NCAM2: variants seen among roughly 807,000 people sequenced by gnomAD.
NCAM2 encodes N-CAM-2.
NCAM2 carries 30 observed loss-of-function variants against 98.1 expected under a neutral mutation model. The ratio of observed to expected loss-of-function variants is 0.31; its 90% CI spans 0.23 to 0.41. The LOEUF (loss-of-function observed/expected upper bound fraction) is 0.41, where lower values mean the gene tolerates loss of function less well. Among genes scored for constraint, NCAM2 ranks in the 10% least tolerant of loss-of-function variants. The pLI is 1.00. For missense variants in NCAM2, 867 were observed against 1,005.8 expected (o/e 0.86, Z 1.87); for synonymous variants, 368 against 342.4 (o/e 1.07, Z -0.83).
intron 1 of NCAM2, among the ~76,000 whole-genome samples, chr21:21,003,398 T>C (rs1382221784): frequency 6.6e-6 from 1 of 152,116 alleles, no homozygotes; most frequent in Non-Finnish European, 1.5e-5. Context: ...GAAAATTCAT[T>C]GGATTTGGAG....
intron 12 of NCAM2, among the ~76,000 whole-genome samples, chr21:21,450,173 T>C (rs1408579220): frequency 2.0e-5 from 3 of 152,036 alleles, no homozygotes; most frequent in Admixed American, 6.6e-5. Context: ...AATCAAATAA[T>C]ATAAATTACA....
chr21:21,071,971 G>T (rs974391698), intron 1 of NCAM2, among the ~76,000 whole-genome samples: 3 of 151,950 alleles, frequency 2.0e-5, no homozygotes, highest in African/African-American at 7.3e-5. Flanking sequence ...GGAGTGCAGT[G>T]GCGCGATCTC....
At chr21:21,531,117 T>G (rs2146418629) in intron 16 of NCAM2, among the ~76,000 whole-genome samples, 1 of 152,292 alleles carries the variant, frequency 6.6e-6, no homozygotes, top group Non-Finnish European at 1.5e-5. Context: ...TTTACACACT[T>G]TCATAGAGTT....
chr21:21,332,527 A>G (rs768580290), intron 6 of NCAM2, among the ~76,000 whole-genome samples: 5 of 151,960 alleles, frequency 3.3e-5, no homozygotes, highest in African/African-American at 4.8e-5. Flanking sequence ...TGTACTTTAT[A>G]TTTTCTAATG....
intron 1 of NCAM2, among the ~76,000 whole-genome samples, chr21:21,151,479 T>C (rs1197770419): frequency 1.3e-5 from 2 of 152,046 alleles, no homozygotes; most frequent in African/African-American, 4.8e-5. Context: ...TCTGACCTAG[T>C]TTAGTCTACC....
intron 1 of NCAM2, among the ~76,000 whole-genome samples, chr21:21,097,843 G>C (rs369165989): frequency 1.7e-4 from 16 of 94,332 alleles, no homozygotes; most frequent in African/African-American, 4.9e-4. Context: ...ATATAACCCA[G>C]AATTGAACAA....
chr21:21,209,234 C>G (rs369121192), intron 1 of NCAM2, among the ~76,000 whole-genome samples: 4 of 151,894 alleles, frequency 2.6e-5, no homozygotes, highest in African/African-American at 7.3e-5. Flanking sequence ...TATTTACTTA[C>G]GAGATTGGTC....
intron 1 of NCAM2, among the ~76,000 whole-genome samples, chr21:21,067,613 C>T (rs1464440696): frequency 6.6e-6 from 1 of 152,138 alleles, no homozygotes; most frequent in Non-Finnish European, 1.5e-5. Flanking sequence ...TCACAGACCC[C>T]TCTTTAAACA....
Position 21,477,334 on chromosome 21 carries a change from A to G in NCAM2, c.1940A>G (p.Asn647Ser). 6.2e-7 allele frequency: 1 copy of G among 1,608,828 alleles called. No individual in the cohort carries two copies. The highest frequency in any genetic ancestry group is 8.5e-7 in the Non-Finnish European group (1 of 1,176,686). ...TGGCTAGAGAAAAAAGTGCAAGGAAATAAAGACCACATCATTTTGGAGCAT... is the reference window on the plus strand; with the variant it reads ...TGGCTAGAGAAAAAAGTGCAAGGAAGTAAAGACCACATCATTTTGGAGCAT... ...DQWLEKKVQG[N>S]KDHIILEHLQ... The change falls in exon 15 of 18, where the codon AAT (asparagine) becomes AGT (serine). Residue 647 changes from asparagine (N) to serine (S), a missense_variant. Around this residue, in one of 5 missense-constraint regions of NCAM2, gnomAD observed 234 missense variants for 333.8 expected, o/e 0.70. Transcript: ENST00000400546.
intron 1 of NCAM2, among the ~76,000 whole-genome samples, chr21:21,054,593 A>G (rs766267123): frequency 6.6e-6 from 1 of 152,046 alleles, no homozygotes. Context: ...TGAAATCAAT[A>G]TATACAGTGA....
intron 1 of NCAM2, among the ~76,000 whole-genome samples, chr21:21,125,752 A>G (rs1312041179): frequency 2.0e-5 from 3 of 147,496 alleles, no homozygotes; most frequent in African/African-American, 7.4e-5. Context: ...GAAAAGTAGA[A>G]ACCACATATT....
At position 21,233,710 on chromosome 21, in the gene NCAM2, A is replaced by G. The variant is rs1359159041; in HGVS notation, c.56-46868A>G. 2.0e-5 allele frequency among the ~76,000 whole-genome samples: 3 copies of G among 151,782 alleles called. No individual in the cohort carries two copies. The South Asian group carries it at 6.2e-4, about 31-fold the overall frequency. On this transcript the variant is annotated intron_variant, in intron 1 of 17. Transcript: ENST00000400546. The stretch of plus-strand genomic sequence containing the variant: ...AGATACAAATAACATGTAAAACACA[A>G]TAAGTTGTATGTCAGCAATGTCTAA...
At chr21:21,446,066 G>T (rs1348030317) in intron 12 of NCAM2, among the ~76,000 whole-genome samples, 1 of 152,022 alleles carries the variant, frequency 6.6e-6, no homozygotes, top group Non-Finnish European at 1.5e-5. Flanking sequence ...ATCTGAAAAT[G>T]ATTTTTTTTC....
At chr21:21,294,978 A>G (rs8132279) in intron 5 of NCAM2, among the ~76,000 whole-genome samples, 14,381 of 151,740 alleles carry the variant, frequency 0.095, 1,130 homozygotes, top group East Asian at 0.31. Context: ...CTGCTGCCCT[A>G]TTCTGTTCCT....
At chr21:21,506,702 G>A (rs551982431) in intron 15 of NCAM2, among the ~76,000 whole-genome samples, 18 of 151,996 alleles carry the variant, frequency 1.2e-4, no homozygotes, top group Admixed American at 9.8e-4. Flanking sequence ...TAGTTCTGTC[G>A]AAACCAGAAA....
At chr21:21,152,790 C>T (rs544552167) in intron 1 of NCAM2, among the ~76,000 whole-genome samples, 2 of 152,052 alleles carry the variant, frequency 1.3e-5, no homozygotes, top group South Asian at 4.1e-4. Context: ...GTTTCCCTCT[C>T]TAAGATTAGC....
intron 7 of NCAM2, among the ~76,000 whole-genome samples, chr21:21,338,040 C>A (rs1568950509): frequency 6.6e-6 from 1 of 151,742 alleles, no homozygotes; most frequent in East Asian, 1.9e-4. Context: ...TATGCATGTG[C>A]CTTTAAAGGA....
chr21:21,311,595 C>G lies in NCAM2; in HGVS notation c.620-12788C>G, dbSNP rs1356380301. Among the ~76,000 whole-genome samples, 5 of 152,130 alleles carry G rather than the reference C, an allele frequency of 3.3e-5. No homozygotes were observed. The East Asian group carries it at 9.7e-4, about 29-fold the overall frequency. Reference sequence around the variant, plus strand: ...TGACCTCGTGATCCACCCACCTCAGCCTCCCAAAGTTCTGGGATTACAGGC... The same window carrying G: ...TGACCTCGTGATCCACCCACCTCAGGCTCCCAAAGTTCTGGGATTACAGGC... On this transcript the variant is annotated intron_variant, in intron 5 of 17. Coordinates refer to ENST00000400546, the MANE Select transcript of NCAM2 (RefSeq NM_004540.5).
intron 1 of NCAM2, among the ~76,000 whole-genome samples, chr21:21,167,390 TTATAA>T (rs1319625481): frequency 6.6e-6 from 1 of 152,012 alleles, no homozygotes; most frequent in East Asian, 1.9e-4. Flanking sequence ...AAAGAGATAT[TTATAA>T]TATATTTTTC....
Sources: gnomAD v4.1 joint callset for allele counts (sites outside exome capture counted in the v4.1 genomes callset) on GRCh38, gnomAD v4.1.1 for gene constraint, gnomAD v4.1.1 regional missense constraint, MANE v1.5 for transcripts, NCBI Gene and HGNC (gene_info 2026-07-23, HGNC 2026-07-21) for gene names.